The following ST6GALNAC3 variants were observed in gnomAD, a reference collection of about 807,000 sequenced individuals.
ST6GALNAC3 encodes ST6 N-acetylgalactosaminide alpha-2,6-sialyltransferase 3.
Under a neutral mutation model 32.7 loss-of-function variants are expected in ST6GALNAC3, and 25 were observed. The observed-to-expected ratio is 0.76, with a 90% CI of 0.56 to 1.07. The LOEUF is 1.07. Ranked by LOEUF, ST6GALNAC3 falls within the 50% of genes least tolerant of loss-of-function variation. The pLI is 0.00. For missense variants in ST6GALNAC3, 355 were observed against 382.4 expected (o/e 0.93, Z 0.60); for synonymous variants, 129 against 133.1 (o/e 0.97, Z 0.21).
At chr1:76,153,093 T>C (rs1409905526) in intron 1 of ST6GALNAC3, among the ~76,000 whole-genome samples, 1 of 152,190 alleles carries the variant, frequency 6.6e-6, no homozygotes, top group Non-Finnish European at 1.5e-5. Flanking sequence ...CTCCTTTTAA[T>C]AGTGGTGTCT....
At chr1:76,193,585 T>A (rs1654029094) in intron 1 of ST6GALNAC3, among the ~76,000 whole-genome samples, 2 of 152,144 alleles carry the variant, frequency 1.3e-5, no homozygotes, top group Admixed American at 1.3e-4. Context: ...ACTACATATA[T>A]CTTTGTGGAA....
At chr1:76,524,023 C>T (rs778531320) in intron 3 of ST6GALNAC3, among the ~76,000 whole-genome samples, 1 of 152,206 alleles carries the variant, frequency 6.6e-6, no homozygotes, top group East Asian at 1.9e-4. Flanking sequence ...ATTTTAGCCT[C>T]TCTAATACTT....
intron 2 of ST6GALNAC3, among the ~76,000 whole-genome samples, chr1:76,402,300 G>C (rs1250203292): frequency 1.3e-5 from 2 of 152,058 alleles, no homozygotes; most frequent in African/African-American, 4.8e-5. Context: ...AATAAGCCTA[G>C]TCTTAGAATG....
chr1:76,383,316 T>C (rs536072543), intron 2 of ST6GALNAC3, among the ~76,000 whole-genome samples: 1 of 152,102 alleles, frequency 6.6e-6, no homozygotes, highest in Non-Finnish European at 1.5e-5. Context: ...TGTCACCCAG[T>C]CTAGAGTGCA....
intron 3 of ST6GALNAC3, among the ~76,000 whole-genome samples, chr1:76,488,760 C>A (rs1211606789): frequency 6.6e-6 from 1 of 152,164 alleles, no homozygotes; most frequent in African/African-American, 2.4e-5. Context: ...CAGCTCTGCA[C>A]AAATTTGTGA....
At chr1:76,610,063 G>T (rs1011459235) in intron 3 of ST6GALNAC3, among the ~76,000 whole-genome samples, 1 of 152,138 alleles carries the variant, frequency 6.6e-6, no homozygotes, top group Non-Finnish European at 1.5e-5. Context: ...TTTAGTATCA[G>T]TGTGATTCTG....
At chr1:76,435,490 A>T (rs1656077778) in intron 3 of ST6GALNAC3, among the ~76,000 whole-genome samples, 1 of 152,144 alleles carries the variant, frequency 6.6e-6, no homozygotes, top group South Asian at 2.1e-4. Flanking sequence ...TAAAGACTTG[A>T]TATTCCTGTA....
intron 1 of ST6GALNAC3, among the ~76,000 whole-genome samples, chr1:76,212,894 T>A (rs768821605): frequency 6.6e-6 from 1 of 152,102 alleles, no homozygotes; most frequent in African/African-American, 2.4e-5. Context: ...CACTGGCAAG[T>A]CTAAAACACA....
intron 3 of ST6GALNAC3, among the ~76,000 whole-genome samples, chr1:76,571,575 G>A (rs1218211450): frequency 1.3e-5 from 2 of 152,038 alleles, no homozygotes; most frequent in Non-Finnish European, 2.9e-5. Context: ...AGCATCAGAA[G>A]TATTTACTAT....
At chr1:76,583,805 T>C (rs1646924430) in intron 3 of ST6GALNAC3, among the ~76,000 whole-genome samples, 1 of 152,202 alleles carries the variant, frequency 6.6e-6, no homozygotes, top group African/African-American at 2.4e-5. Context: ...AAGACTGAAG[T>C]AGAATTAATT....
chr1:76,354,761 G>C (rs929155495), intron 2 of ST6GALNAC3, among the ~76,000 whole-genome samples: 7 of 152,114 alleles, frequency 4.6e-5, no homozygotes, highest in Non-Finnish European at 8.8e-5. Flanking sequence ...GTGTTGGTTT[G>C]GGGGGATGTA....
chr1:76,074,919 TGGCCAGCC>T, intron 1 of ST6GALNAC3, 35 bp downstream of exon 1: 3 of 1,579,302 alleles, frequency 1.9e-6, no homozygotes, highest in Non-Finnish European at 2.6e-6. Context: ...GACGCGTGGT[TGGCCAGCC>T]CCTTGCTGCT....
intron 2 of ST6GALNAC3, among the ~76,000 whole-genome samples, chr1:76,321,427 G>T (rs1014580397): frequency 6.6e-6 from 1 of 152,148 alleles, no homozygotes; most frequent in East Asian, 1.9e-4. Flanking sequence ...TGGTTTGGGT[G>T]TATAAGCCAA....
chr1:76,276,747 T>C (rs1391205721), intron 1 of ST6GALNAC3, among the ~76,000 whole-genome samples: 1 of 152,174 alleles, frequency 6.6e-6, no homozygotes, highest in Non-Finnish European at 1.5e-5. Flanking sequence ...TGCAAAATTA[T>C]TTTCCAAAAT....
chr1:76,525,321 A>C (rs957069194), intron 3 of ST6GALNAC3, among the ~76,000 whole-genome samples: 4 of 152,136 alleles, frequency 2.6e-5, no homozygotes, highest in Non-Finnish European at 4.4e-5. Flanking sequence ...AGATAAGACT[A>C]TCAGACTGTC....
chr1:76,502,970 C>T (rs953429770), intron 3 of ST6GALNAC3, among the ~76,000 whole-genome samples: 1 of 152,012 alleles, frequency 6.6e-6, no homozygotes, highest in African/African-American at 2.4e-5. Context: ...GATGTGTGGG[C>T]AAAAATACAG....
At chr1:76,210,912 A>G (rs1237816404) in intron 1 of ST6GALNAC3, among the ~76,000 whole-genome samples, 3 of 152,086 alleles carry the variant, frequency 2.0e-5, no homozygotes, top group African/African-American at 7.2e-5. Flanking sequence ...ACACCTGGCT[A>G]ATTTTTGTAT....
chr1:76,536,892 G>A (rs1393549797), intron 3 of ST6GALNAC3, among the ~76,000 whole-genome samples: 1 of 152,072 alleles, frequency 6.6e-6, no homozygotes, highest in Non-Finnish European at 1.5e-5. Context: ...AATAGTGGGA[G>A]ACTTTTACAC....
chr1:76,170,759 C>G (rs1305961465), intron 1 of ST6GALNAC3, among the ~76,000 whole-genome samples: 1 of 152,122 alleles, frequency 6.6e-6, no homozygotes, highest in African/African-American at 2.4e-5. Context: ...ACCACAGTAG[C>G]TCATTTCCTT....
Sources: gnomAD v4.1 joint callset for allele counts (sites outside exome capture counted in the v4.1 genomes callset) on GRCh38, gnomAD v4.1.1 for gene constraint, MANE v1.5 for transcripts, NCBI Gene and HGNC (gene_info 2026-07-23, HGNC 2026-07-21) for gene names.